PPP2R2B: variants seen among roughly 807,000 people sequenced by gnomAD.
PPP2R2B encodes serine/threonine-protein phosphatase 2A 55 kDa regulatory subunit B beta isoform.
In PPP2R2B, 5 loss-of-function variants were observed where a neutral mutation model predicts 46.0. The ratio of observed to expected loss-of-function variants is 0.11; its 90% CI spans 0.06 to 0.23. PPP2R2B has a LOEUF of 0.23. Among genes scored for constraint, PPP2R2B ranks in the 10% least tolerant of loss-of-function variants. The pLI, the probability that PPP2R2B is intolerant of heterozygous loss-of-function variation, is 1.00. For missense variants in PPP2R2B, 367 were observed against 575.0 expected (o/e 0.64, Z 3.70); for synonymous variants, 215 against 206.7 (o/e 1.04, Z -0.34).
intron 2 of PPP2R2B, among the ~76,000 whole-genome samples, chr5:146,850,411 A>T (rs1397729244): frequency 6.6e-6 from 1 of 152,188 alleles, no homozygotes; most frequent in Non-Finnish European, 1.5e-5. Context: ...CTCATAAGAT[A>T]AAAAGCAAAA....
At chr5:146,911,083 A>G (rs1354843280) in intron 1 of PPP2R2B, among the ~76,000 whole-genome samples, 2 of 95,868 alleles carry the variant, frequency 2.1e-5, no homozygotes, top group East Asian at 4.8e-4. Flanking sequence ...TCTGTTAGAC[A>G]CTTTCTTTTT....
intron 1 of PPP2R2B, among the ~76,000 whole-genome samples, chr5:146,928,897 T>G (rs1005300549): frequency 3.3e-5 from 5 of 152,220 alleles, no homozygotes; most frequent in African/African-American, 1.2e-4. Context: ...TTCACTACAC[T>G]GCCTCTTACT....
At chr5:146,975,619 A>G (rs1752864252) in intron 1 of PPP2R2B, among the ~76,000 whole-genome samples, 1 of 152,230 alleles carries the variant, frequency 6.6e-6, no homozygotes, top group South Asian at 2.1e-4. Context: ...ACAGTGCAGA[A>G]GAGTTCCAAT....
At chr5:146,952,054 T>C (rs1306251439) in intron 1 of PPP2R2B, among the ~76,000 whole-genome samples, 3 of 151,888 alleles carry the variant, frequency 2.0e-5, no homozygotes, top group Non-Finnish European at 4.4e-5. Flanking sequence ...CATGGAAATT[T>C]ATAATCTTTG....
chr5:146,776,038 T>C (rs1755160356), intron 2 of PPP2R2B, among the ~76,000 whole-genome samples: 1 of 152,138 alleles, frequency 6.6e-6, no homozygotes, highest in African/African-American at 2.4e-5. Flanking sequence ...ACTGTTAAGA[T>C]GATAATGCTG....
At chr5:147,010,043 C>T (rs1464164117) in intron 1 of PPP2R2B, among the ~76,000 whole-genome samples, 1 of 152,156 alleles carries the variant, frequency 6.6e-6, no homozygotes, top group African/African-American at 2.4e-5. Flanking sequence ...GTGAGGTGTG[C>T]GTACTCATAA....
rs1390779137 is a variant in PPP2R2B at position 146,586,884 on chromosome 5, G to C, written c.*3063C>G. The stretch of plus-strand genomic sequence containing the variant: ...TAATCTTCCTCCTCCTGACAGAAGA[G>C]TACGAATGTCTACCAAAGTTCAGCT... On this transcript the variant is annotated 3_prime_UTR_variant, in exon 10 of 10. Coordinates refer to ENST00000394411, the MANE Select transcript of PPP2R2B (RefSeq NM_181675.4). 6.6e-6 allele frequency: 1 copy of C among 152,186 alleles called. No homozygotes were observed. Among genetic ancestry groups the C allele is most frequent in the African/African-American group, 2.4e-5 (1 of 41,424 alleles). 9.4% of individuals were successfully genotyped at this position (152,186 alleles called of 1,614,324 possible).
chr5:146,929,139 GCCTA>G (rs1763884170), intron 1 of PPP2R2B, among the ~76,000 whole-genome samples: 1 of 151,968 alleles, frequency 6.6e-6, no homozygotes, highest in East Asian at 1.9e-4. Flanking sequence ...CCCACTGCCC[GCCTA>G]CCTCTCTCTT....
chr5:146,716,756 T>C (rs1037546466), intron 2 of PPP2R2B, among the ~76,000 whole-genome samples: 3 of 152,156 alleles, frequency 2.0e-5, no homozygotes, highest in Non-Finnish European at 2.9e-5. Context: ...TATTCTCTTC[T>C]AGAAACCAAG....
chr5:147,074,680 T>C (rs375832922), intron 2 of PPP2R2B, among the ~76,000 whole-genome samples: 65 of 152,256 alleles, frequency 4.3e-4, no homozygotes, highest in African/African-American at 1.5e-3. Flanking sequence ...TTCTTAAACA[T>C]CCATGCAAAA....
At chr5:146,686,388 G>A (rs934606899) in intron 5 of PPP2R2B, among the ~76,000 whole-genome samples, 1 of 152,154 alleles carries the variant, frequency 6.6e-6, no homozygotes, top group Non-Finnish European at 1.5e-5. Context: ...TACCCTAGGA[G>A]GGCCTGATAG....
At chr5:146,893,897 A>G (rs1239280507) in intron 1 of PPP2R2B, among the ~76,000 whole-genome samples, 1 of 151,650 alleles carries the variant, frequency 6.6e-6, no homozygotes, top group Non-Finnish European at 1.5e-5. Flanking sequence ...AAAAAAAAAA[A>G]AAGCCGGGCA....
intron 6 of PPP2R2B, among the ~76,000 whole-genome samples, chr5:146,642,872 C>T (rs763710239): frequency 8.5e-5 from 13 of 152,102 alleles, no homozygotes; most frequent in Non-Finnish European, 1.6e-4. Context: ...GCCTGGGCAA[C>T]GTGGTGAAAC....
chr5:146,935,998 C>T (rs1436634086), intron 1 of PPP2R2B, among the ~76,000 whole-genome samples: 1 of 152,114 alleles, frequency 6.6e-6, no homozygotes, highest in Non-Finnish European at 1.5e-5. Context: ...AATGATGGAG[C>T]ATATTTGTAC....
rs1423700014 is a variant in PPP2R2B, at chr5:146,719,083, A to G, written c.71-17941T>C. 2.0e-5 allele frequency among the ~76,000 whole-genome samples: 3 copies of G among 152,324 alleles called. No homozygotes were observed. The East Asian group carries it at 5.8e-4, about 29-fold the overall frequency. ...TGAGCACCTTCTATGTGCCTGACCTAGGACTTTGTCTTGAGAAATAATTCT... is the reference window on the plus strand; with the variant it reads ...TGAGCACCTTCTATGTGCCTGACCTGGGACTTTGTCTTGAGAAATAATTCT... On this transcript the variant is annotated intron_variant, in intron 2 of 9. Coordinates refer to ENST00000394411, the MANE Select transcript of PPP2R2B (RefSeq NM_181675.4).
chr5:146,594,099 C>CA (rs1425642753), intron 8 of PPP2R2B, among the ~76,000 whole-genome samples: 3 of 152,102 alleles, frequency 2.0e-5, no homozygotes, highest in African/African-American at 4.8e-5. Flanking sequence ...GAGTAGGTAC[C>CA]ATGTTCACTT....
chr5:147,040,781 C>G, intron 1 of PPP2R2B: 1 of 443,192 alleles, frequency 2.3e-6, no homozygotes, highest in South Asian at 1.6e-5. Context: ...GTAAATAGGG[C>G]CAATTTCAAG....
At chr5:146,832,379 C>CTTTTTTTTTT (rs34269274) in intron 2 of PPP2R2B, among the ~76,000 whole-genome samples, 5 of 70,190 alleles carry the variant, frequency 7.1e-5, no homozygotes, top group Admixed American at 2.1e-4. Flanking sequence ...CATTTTTAAT[C>CTTTTTTTTTT]TTTTTTTTTT....
intron 7 of PPP2R2B, among the ~76,000 whole-genome samples, chr5:146,606,314 G>T (rs1256498587): frequency 6.6e-6 from 1 of 152,034 alleles, no homozygotes; most frequent in South Asian, 2.1e-4. Context: ...GTTAGGAGGG[G>T]CCCAAGACCA....
Sources: gnomAD v4.1 joint callset for allele counts (sites outside exome capture counted in the v4.1 genomes callset) on GRCh38, gnomAD v4.1.1 for gene constraint, MANE v1.5 for transcripts, NCBI Gene and HGNC (gene_info 2026-07-23, HGNC 2026-07-21) for gene names.